The following QSOX1 variants were observed in gnomAD, a reference collection of about 807,000 sequenced individuals.
QSOX1 encodes quiescin sulfhydryl oxidase 1, also known as sulfhydryl oxidase 1.
QSOX1 carries 40 observed loss-of-function variants against 76.1 expected under a neutral mutation model. The observed-to-expected ratio is 0.53, with a 90% CI of 0.41 to 0.68. The LOEUF is 0.68. Ranked by LOEUF, QSOX1 falls within the 30% of genes least tolerant of loss-of-function variation. QSOX1 has a pLI of 0.00. For synonymous variants in QSOX1, 392 were observed against 413.1 expected, an observed-to-expected ratio of 0.95 and a Z score of 0.62; for missense variants, 931 against 974.3, an observed-to-expected ratio of 0.96 and a Z score of 0.59.
At chr1:180,169,637 G>A (rs1485831517) in intron 2 of QSOX1, among the ~76,000 whole-genome samples, 3 of 152,224 alleles carry the variant, frequency 2.0e-5, no homozygotes, top group African/African-American at 4.8e-5. Flanking sequence ...CTTCCTTCCC[G>A]TTGTCCCATC....
At chr1:180,178,593 G>A (rs1353421473) in intron 4 of QSOX1, among the ~76,000 whole-genome samples, 1 of 152,236 alleles carries the variant, frequency 6.6e-6, no homozygotes. Flanking sequence ...TAGGTCAGAT[G>A]AAGAGCCAGG....
chr1:180,183,958 ACT>A lies in QSOX1; in HGVS notation c.800_801del (p.Ser267TrpfsTer17), dbSNP rs1208460369. The A allele has an allele frequency of 2.5e-6, 4 of 1,613,360 alleles. No individual in the cohort carries two copies. The highest frequency in any genetic ancestry group is 3.4e-6 in the Non-Finnish European group (4 of 1,179,524). On this transcript the variant is annotated frameshift_variant, in exon 7 of 12. Coordinates refer to ENST00000367602, the MANE Select transcript of QSOX1 (RefSeq NM_002826.5). LOFTEE classifies it high-confidence loss of function. ...RSFYTAYLQR[L>X]SGLTREAAQT... ...CCTTCTATACCGCTTACCTGCAGAGACTCTCTGGGCTCACCAGGGAGGCTGCC... is the reference window on the plus strand; with the variant it reads ...CCTTCTATACCGCTTACCTGCAGAGACTCTGGGCTCACCAGGGAGGCTGCC...
rs566198413 is a variant in QSOX1 at position 180,177,274 on chromosome 1, A to G, written c.515+1241A>G. Among the ~76,000 whole-genome samples, 158 of 143,374 alleles carry G rather than the reference A, an allele frequency of 1.1e-3. 2 individuals carry two copies. Among genetic ancestry groups the G allele is most frequent in the South Asian group, 5.7e-3 (26 of 4,572 alleles). The allele number at this position is 143,374 out of a possible 152,430, so 94.1% of individuals were successfully genotyped here. ...CCTTTTTTTTTTTTTTTTTTGGAAGACAGAATCTCGCTCTGTTGCCCAGGC... is the reference window on the plus strand; with the variant it reads ...CCTTTTTTTTTTTTTTTTTTGGAAGGCAGAATCTCGCTCTGTTGCCCAGGC... On this transcript the variant is annotated intron_variant, in intron 4 of 11. Transcript: ENST00000367602.
chr1:180,183,603 G>A (rs909497310), intron 6 of QSOX1, among the ~76,000 whole-genome samples: 2 of 152,192 alleles, frequency 1.3e-5, no homozygotes, highest in African/African-American at 4.8e-5. Context: ...GGGCTGTCCC[G>A]TGCCTTTCCA....
intron 2 of QSOX1, among the ~76,000 whole-genome samples, chr1:180,174,357 A>C (rs1341660733): frequency 6.6e-6 from 1 of 152,248 alleles, no homozygotes; most frequent in Non-Finnish European, 1.5e-5. Context: ...TGTCATGTAC[A>C]TGGGAAAAGA....
intron 10 of QSOX1, among the ~76,000 whole-genome samples, chr1:180,192,191 G>C (rs921195793): frequency 4.6e-5 from 7 of 152,198 alleles, no homozygotes; most frequent in Admixed American, 4.6e-4. Context: ...AGACCAGCAG[G>C]TGCAAAGGAC....
chr1:180,182,871 A>G (rs1663074555), intron 6 of QSOX1, among the ~76,000 whole-genome samples: 1 of 152,214 alleles, frequency 6.6e-6, no homozygotes, highest in African/African-American at 2.4e-5. Flanking sequence ...GATGTCAGCC[A>G]GGCCCCGCAG....
chr1:180,178,963 G>T (rs1662965108), intron 5 of QSOX1, 79 bp downstream of exon 5: 2 of 1,316,048 alleles, frequency 1.5e-6, no homozygotes, highest in Non-Finnish European at 2.2e-6. Context: ...GGCTTTTCCT[G>T]CCAATTCTAG....
chr1:180,178,665 C>T lies in QSOX1; in HGVS notation c.516-129C>T, dbSNP rs892533673. The stretch of plus-strand genomic sequence containing the variant: ...GTTTGGTTGACTCCCTTGGAGGGCC[C>T]TGTGTGGAAGCGGAGGAGGGCGGGA... On this transcript the variant is annotated intron_variant, in intron 4 of 11. Transcript: ENST00000367602. 49 of 775,756 alleles carry T rather than the reference C, an allele frequency of 6.3e-5. 2 individuals are homozygous for T. The highest frequency in any genetic ancestry group is 3.5e-4 in the South Asian group (23 of 65,082). 48.1% of individuals were successfully genotyped at this position (775,756 alleles called of 1,614,324 possible).
In QSOX1 at chr1:180,194,849, G is replaced by A. The variant is rs1435017790; in HGVS notation, c.1468+457G>A. ...TTGCCCTCTGCGTTCCCTCATTATG[G>A]TGCTTCCTTTTCCTCATCAGGAGTC... On this transcript the variant is annotated intron_variant, in intron 11 of 11. Coordinates refer to ENST00000367602, the MANE Select transcript of QSOX1 (RefSeq NM_002826.5). Among the ~76,000 whole-genome samples the A allele has an allele frequency of 5.3e-5, 8 of 152,158 alleles. No individual in the cohort carries two copies. In the East Asian group the frequency reaches 9.7e-4, roughly 18 times the overall value.
intron 9 of QSOX1, 23 bp from the exon 10 acceptor site, chr1:180,190,410 A>G (rs1293832781): frequency 3.1e-6 from 5 of 1,605,914 alleles, no homozygotes; most frequent in African/African-American, 2.7e-5. Context: ...CCATATGTGC[A>G]CTCACACTCA....
intron 7 of QSOX1, among the ~76,000 whole-genome samples, chr1:180,184,459 T>G (rs779128758): frequency 6.6e-6 from 1 of 150,486 alleles, no homozygotes; most frequent in East Asian, 1.9e-4. Context: ...GCAGCAGATA[T>G]GTACAGGCAG....
chr1:180,161,543 TA>T, intron 1 of QSOX1, among the ~76,000 whole-genome samples: 1 of 152,358 alleles, frequency 6.6e-6, no homozygotes, highest in African/African-American at 2.4e-5. Context: ...AGTATTGCCA[TA>T]AAAATAGGAA....
At position 180,194,256 on chromosome 1, in the gene QSOX1, C is replaced by G. The variant is rs1572055825; in HGVS notation, c.1332C>G (p.His444Gln). 6.2e-6 allele frequency: 10 copies of G among 1,613,362 alleles called. No homozygotes were observed. Among genetic ancestry groups the G allele is most frequent in the Non-Finnish European group, 3.4e-6 (4 of 1,179,550 alleles). Residue 444 changes from histidine to glutamine, a missense_variant, in exon 11 of 12, where the codon CAC becomes CAG. Physicochemically the swap from His to Gln is conservative, Grantham distance 24 (BLOSUM62 0). Transcript: ENST00000367602. ...EVLPAIRGYV[H>Q]YFFGCRDCAS... is the part of the protein sequence containing the mutation. ...TCCCAGCCATCCGAGGCTACGTGCA[C>G]TACTTCTTCGGCTGCCGAGACTGCG...
intron 4 of QSOX1, among the ~76,000 whole-genome samples, chr1:180,176,404 A>G (rs1030148499): frequency 2.6e-5 from 4 of 152,208 alleles, no homozygotes; most frequent in African/African-American, 9.6e-5. Context: ...CACATGCTCT[A>G]TCCCCGGGAA....
At chr1:180,158,790 C>G (rs915281878) in intron 1 of QSOX1, among the ~76,000 whole-genome samples, 10 of 152,122 alleles carry the variant, frequency 6.6e-5, no homozygotes, top group Admixed American at 1.3e-4. Flanking sequence ...TCATGGAAGT[C>G]CAGACCCACT....
intron 1 of QSOX1, among the ~76,000 whole-genome samples, chr1:180,157,876 G>A (rs1464424618): frequency 6.6e-6 from 1 of 152,182 alleles, no homozygotes; most frequent in East Asian, 1.9e-4. Flanking sequence ...ATTGGCAACT[G>A]TTACAAAGCT....
At chr1:180,164,668 C>T (rs1020630109) in intron 1 of QSOX1, among the ~76,000 whole-genome samples, 3 of 152,170 alleles carry the variant, frequency 2.0e-5, no homozygotes, top group Non-Finnish European at 2.9e-5. Context: ...CTTCCCCAGG[C>T]GTAACGTGTT....
chr1:180,191,341 G>C (rs1300065493), intron 10 of QSOX1, among the ~76,000 whole-genome samples: 1 of 152,246 alleles, frequency 6.6e-6, no homozygotes, highest in Non-Finnish European at 1.5e-5. Flanking sequence ...GTGAAGAGAG[G>C]GCAGGCTCGA....
Sources: gnomAD v4.1 joint callset for allele counts (sites outside exome capture counted in the v4.1 genomes callset) on GRCh38, gnomAD v4.1.1 for gene constraint, MANE v1.5 for transcripts, NCBI Gene and HGNC (gene_info 2026-07-23, HGNC 2026-07-21) for gene names.